The following BRAP variants were observed in gnomAD, a reference collection of about 807,000 sequenced individuals.
BRAP encodes BRCA1-associated protein.
A neutral mutation model predicts 73.4 loss-of-function variants in BRAP; 42 were observed. The ratio of observed to expected loss-of-function variants is 0.57; its 90% CI spans 0.45 to 0.74. The LOEUF is 0.74. Ranked by LOEUF, BRAP falls within the 30% of genes least tolerant of loss-of-function variation. The probability of loss-of-function intolerance (pLI) is 0.00; values close to 1 mark genes in which losing one functional copy is unlikely to be tolerated. For missense variants in BRAP, 593 were observed against 751.4 expected (o/e 0.79, Z 2.46); for synonymous variants, 255 against 267.4 (o/e 0.95, Z 0.45).
At position 111,676,413 on chromosome 12, in the gene BRAP, A is replaced by G. The variant is rs144933779; in HGVS notation, c.633+2738T>C. On this transcript the variant is annotated intron_variant, in intron 4 of 11. Transcript: ENST00000419234. ...GTGCCTGTTTCCTCAACTGTAAAATACATGGCATTTTTTTTTTTGAGACAG... is the reference window on the plus strand; with the variant it reads ...GTGCCTGTTTCCTCAACTGTAAAATGCATGGCATTTTTTTTTTTGAGACAG... 9.2e-5 allele frequency among the ~76,000 whole-genome samples: 14 copies of G among 151,622 alleles called. No individual in the cohort carries two copies. The East Asian group carries it at 2.7e-3, about 30-fold the overall frequency.
At chr12:111,661,670 T>C (rs1222821528) in intron 6 of BRAP, among the ~76,000 whole-genome samples, 1 of 151,968 alleles carries the variant, frequency 6.6e-6, no homozygotes, top group Non-Finnish European at 1.5e-5. Flanking sequence ...TTCTCCAGGT[T>C]GCTCCTAAGA....
chr12:111,668,341 T>A (rs1887038300), intron 5 of BRAP, among the ~76,000 whole-genome samples: 1 of 152,104 alleles, frequency 6.6e-6, no homozygotes, highest in Non-Finnish European at 1.5e-5. Flanking sequence ...AATGTTAATT[T>A]TTTTTTTTTT....
At chr12:111,667,749 A>C (rs1887010753) in intron 5 of BRAP, among the ~76,000 whole-genome samples, 1 of 150,488 alleles carries the variant, frequency 6.6e-6, no homozygotes, top group Admixed American at 6.7e-5. Flanking sequence ...AAATACAAAA[A>C]CTAACACCCT....
chr12:111,660,822 T>C (rs190761222), intron 6 of BRAP, 147 bp from the exon 7 acceptor site: 5 of 539,006 alleles, frequency 9.3e-6, no homozygotes, highest in Admixed American at 7.1e-5. Context: ...AAATAAAATA[T>C]ACAAAATAAA....
Position 111,644,123 on chromosome 12 carries a change from A to G in BRAP, c.*76T>C. 6.5e-7 allele frequency: 1 copy of G among 1,528,284 alleles called. No individual in the cohort carries two copies. The highest frequency in any genetic ancestry group is 8.7e-7 in the Non-Finnish European group (1 of 1,143,492). 94.7% of individuals were successfully genotyped at this position (1,528,284 alleles called of 1,614,324 possible). A position where few individuals can be genotyped will look rare whatever the true frequency, so the allele number is the denominator to read the frequency against. On this transcript the variant is annotated 3_prime_UTR_variant, in exon 12 of 12. Coordinates refer to ENST00000419234, the MANE Select transcript of BRAP (RefSeq NM_006768.5). ...CTTGTACTTATTAGGGCCCACCCTCACATTTAGCTGAAGGTCCCAGCACAC... is the reference window on the plus strand; with the variant it reads ...CTTGTACTTATTAGGGCCCACCCTCGCATTTAGCTGAAGGTCCCAGCACAC...
intron 10 of BRAP, among the ~76,000 whole-genome samples, chr12:111,651,331 A>C (rs1052633165): frequency 6.6e-6 from 1 of 151,986 alleles, no homozygotes; most frequent in Admixed American, 6.6e-5. Flanking sequence ...CGAGGTCAGG[A>C]GTTCAAGACC....
chr12:111,644,562 C>T lies in BRAP; in HGVS notation c.1416G>A (p.Lys472=). ...CCACTTTTGTGTTTAGCTGAGTGCACCTTTTGAAAAACAAAGGAAGACAAA... is the reference window on the plus strand; with the variant it reads ...CCACTTTTGTGTTTAGCTGAGTGCATCTTTTGAAAAACAAAGGAAGACAAA... ...LLKEKQSVER[K]CTQLNTKVAK... is the part of the protein sequence containing the mutation. The change falls in exon 12 of 12, where the codon AAG becomes AAA. Residue 472 remains lysine, a splice_region_variant and synonymous_variant. Transcript: ENST00000419234. 2 of 1,607,764 alleles carry T rather than the reference C, an allele frequency of 1.2e-6. No individual in the cohort carries two copies. Among genetic ancestry groups the T allele is most frequent in the Non-Finnish European group, 1.7e-6 (2 of 1,175,332 alleles).
chr12:111,649,898 T>TTA, intron 11 of BRAP, 41 bp downstream of exon 11: 4 of 1,381,246 alleles, frequency 2.9e-6, no homozygotes, highest in Non-Finnish European at 4.1e-6. Flanking sequence ...AACTGTCTGT[T>TTA]TATAGAGCCT....
rs1887606214 is a variant in BRAP, at chr12:111,681,678, T to A, written c.402A>T (p.Ser134=). The part of the protein sequence containing the change: ...DQISFFSGNP[S]VEIVHGIMHL... ...GCATAATACCATGAACTATTTCAACTGATGGATTTCCACTGAAGAATGAAA... is the reference window on the plus strand; with the variant it reads ...GCATAATACCATGAACTATTTCAACAGATGGATTTCCACTGAAGAATGAAA... Residue 134 remains serine (S), a synonymous_variant, in exon 3 of 12, where the codon TCA becomes TCT. Coordinates refer to ENST00000419234, the MANE Select transcript of BRAP (RefSeq NM_006768.5). 1 of 1,613,804 alleles carries A rather than the reference T, an allele frequency of 6.2e-7. No individual in the cohort carries two copies. The highest frequency in any genetic ancestry group is 1.1e-5 in the South Asian group (1 of 91,070).
At chr12:111,646,668 G>A (rs1886123323) in intron 11 of BRAP, among the ~76,000 whole-genome samples, 2 of 152,158 alleles carry the variant, frequency 1.3e-5, no homozygotes, top group Admixed American at 1.3e-4. Context: ...AGCTACTCGG[G>A]AGGGTGAGGC....
chr12:111,672,115 C>G (rs1052890578), intron 5 of BRAP, among the ~76,000 whole-genome samples: 1 of 152,078 alleles, frequency 6.6e-6, no homozygotes, highest in Non-Finnish European at 1.5e-5. Context: ...CTGAGGCTAG[C>G]AGATGCTTGA....
chr12:111,652,711 C>T (rs896236209), intron 10 of BRAP, among the ~76,000 whole-genome samples: 3 of 151,288 alleles, frequency 2.0e-5, no homozygotes, highest in Admixed American at 6.6e-5. Flanking sequence ...ATTCCCCCAT[C>T]TCTCTCTCTT....
In BRAP at chr12:111,677,320, G is replaced by A. The variant is rs78980768; in HGVS notation, c.633+1831C>T. On this transcript the variant is annotated intron_variant, in intron 4 of 11. Coordinates refer to ENST00000419234, the MANE Select transcript of BRAP (RefSeq NM_006768.5). ...TTGCCCTAGTTGTTAAGTAGAAACTGTAACAATACTGCTGTCATAGAATGT... is the reference window on the plus strand; with the variant it reads ...TTGCCCTAGTTGTTAAGTAGAAACTATAACAATACTGCTGTCATAGAATGT... 5.3e-3 allele frequency among the ~76,000 whole-genome samples: 810 copies of A among 152,256 alleles called. 4 individuals carry two copies. The highest frequency in any genetic ancestry group is 7.3e-3 in the Non-Finnish European group (495 of 68,022).
At chr12:111,675,659 C>G (rs938646733) in intron 4 of BRAP, among the ~76,000 whole-genome samples, 1 of 151,442 alleles carries the variant, frequency 6.6e-6, no homozygotes, top group African/African-American at 2.4e-5. Flanking sequence ...TTGTGTGGAC[C>G]CAAAACTTTA....
In BRAP at chr12:111,657,080, G is replaced by T. The variant is rs577472403; in HGVS notation, c.1222-1425C>A. 5.3e-5 allele frequency among the ~76,000 whole-genome samples: 8 copies of T among 152,134 alleles called. No homozygotes were observed. In the East Asian group the frequency reaches 1.5e-3, roughly 29 times the overall value. On this transcript the variant is annotated intron_variant, in intron 9 of 11. Transcript: ENST00000419234. ...TTTTTGGAGACGGAGTTTCGCTCTT[G>T]TCGCCCAGGCTGGAGTGCAATGGCG...
At chr12:111,684,866 A>G (rs1002072220) in intron 1 of BRAP, among the ~76,000 whole-genome samples, 3 of 152,100 alleles carry the variant, frequency 2.0e-5, no homozygotes, top group African/African-American at 7.2e-5. Flanking sequence ...ACAGGGTTTC[A>G]CCATGTTGGC....
At position 111,644,276 on chromosome 12, in the gene BRAP, A is replaced by C; in HGVS notation, c.1702T>G (p.Ser568Ala). The C allele has an allele frequency of 6.2e-7, 1 of 1,614,076 alleles. No individual in the cohort carries two copies. The highest frequency in any genetic ancestry group is 8.5e-7 in the Non-Finnish European group (1 of 1,180,022). Reference sequence around the variant, plus strand: ...CCCGAAGAGGCAGGGCTCGAGGCCGAGGCCATGGCGATGTTGATCTGTCCC... The same window carrying C: ...CCCGAAGAGGCAGGGCTCGAGGCCGCGGCCATGGCGATGTTGATCTGTCCC... ...QEGQINIAMASASSPASSGGS... is the reference protein window; with the variant it reads ...QEGQINIAMAAASSPASSGGS... Residue 568 changes from serine to alanine, a missense_variant, in exon 12 of 12, where the codon TCG (serine) becomes GCG (alanine). Coordinates refer to ENST00000419234, the MANE Select transcript of BRAP (RefSeq NM_006768.5).
At chr12:111,644,696 G>A in intron 11 of BRAP, 134 bp from the exon 12 acceptor site, 2 of 1,367,482 alleles carry the variant, frequency 1.5e-6, no homozygotes, top group Non-Finnish European at 2.0e-6. Flanking sequence ...CATCGTGAGG[G>A]AGAATGGTTT....
chr12:111,664,447 T>C (rs1886864576), intron 6 of BRAP, among the ~76,000 whole-genome samples: 1 of 152,198 alleles, frequency 6.6e-6, no homozygotes, highest in Non-Finnish European at 1.5e-5. Flanking sequence ...TATCTCAGTA[T>C]GGCTTTGTTC....
Sources: allele counts gnomAD v4.1 joint callset (sites outside exome capture counted in the v4.1 genomes callset), GRCh38; gene constraint gnomAD v4.1.1; transcripts MANE v1.5; gene names NCBI Gene and HGNC (gene_info 2026-07-23, HGNC 2026-07-21).